Variants in NCLN observed in about 807,000 individuals in gnomAD.
NCLN encodes the protein nicalin.
NCLN carries 34 observed loss-of-function variants against 69.5 expected under a neutral mutation model. The observed-to-expected ratio is 0.49, with a 90% CI of 0.37 to 0.65. The LOEUF (loss-of-function observed/expected upper bound fraction) is 0.65, where lower values mean the gene tolerates loss of function less well. NCLN is among the 30% of genes least tolerant of loss of function. The pLI is 0.00. For synonymous variants in NCLN, 393 were observed against 358.3 expected (o/e 1.10, Z -1.09); for missense variants, 710 against 804.8 (o/e 0.88, Z 1.42).
intron 5 of NCLN, 34 bp from the exon 6 acceptor site, chr19:3,201,489 G>A (rs376406579): frequency 1.3e-6 from 2 of 1,492,850 alleles, no homozygotes; most frequent in African/African-American, 2.8e-5. Flanking sequence ...GCCGGGCGGG[G>A]GTGACTGTGG....
rs1218831273 is a variant in NCLN at position 3,204,678 on chromosome 19, C to T, written c.1135C>T (p.Arg379Ter). 1.9e-6 allele frequency: 3 copies of T among 1,608,332 alleles called. No homozygotes were observed. The highest frequency in any genetic ancestry group is 1.3e-5 in the African/African-American group (1 of 74,764). ...GGAGCACGAGCGCTTCGCCATCCGCCGACTGCCCGCCTTCACGCTGTCCCA... is the reference window on the plus strand; with the variant it reads ...GGAGCACGAGCGCTTCGCCATCCGCTGACTGCCCGCCTTCACGCTGTCCCA... ...AWEHERFAIR[R>*]LPAFTLSHLE... The change falls in exon 9 of 15, where the codon CGA (arginine) becomes TGA (stop). Residue 379 changes from arginine to a stop codon, truncating the protein, a stop_gained. Coordinates refer to ENST00000246117, the MANE Select transcript of NCLN (RefSeq NM_020170.4). LOFTEE classifies it high-confidence loss of function.
Position 3,196,217 on chromosome 19 carries a change from G to T in NCLN, c.555G>T (p.Gln185His). The T allele has an allele frequency of 1.9e-6, 3 of 1,556,376 alleles. No homozygotes were observed. Among genetic ancestry groups the T allele is most frequent in the Non-Finnish European group, 2.6e-6 (3 of 1,149,656 alleles). ...GCACGGCCACTGCCAACGGCTTCCA[G>T]ATGGTCACCAGCGGGGTACAGAGCA... Reference protein sequence around the residue: ...LLRTATANGFQMVTSGVQSKA... With the variant: ...LLRTATANGFHMVTSGVQSKA... Residue 185 changes from glutamine to histidine, a missense_variant, in exon 4 of 15, where the codon CAG becomes CAT. Physicochemically the swap from Gln to His is conservative, Grantham distance 24. Coordinates refer to ENST00000246117, the MANE Select transcript of NCLN (RefSeq NM_020170.4).
Position 3,206,359 on chromosome 19 carries a change from C to T in NCLN, c.1433C>T (p.Thr478Met), listed in dbSNP as rs1269485173. ...GACAAGGACAGCACCTTCCTCAGCA[C>T]GCTGGAGCACCACCTGAGCCGCTAC... Reference protein sequence around the residue: ...LVDKDSTFLSTLEHHLSRYLK... With the variant: ...LVDKDSTFLSMLEHHLSRYLK... The change falls in exon 12 of 15, where the codon ACG becomes ATG. Residue 478 changes from threonine (T) to methionine (M), a missense_variant. Coordinates refer to ENST00000246117, the MANE Select transcript of NCLN (RefSeq NM_020170.4). 9.7e-6 allele frequency: 15 copies of T among 1,548,174 alleles called. No individual in the cohort carries two copies. The highest frequency in any genetic ancestry group is 2.4e-5 in the East Asian group (1 of 40,930).
intron 9 of NCLN, among the ~76,000 whole-genome samples, chr19:3,204,954 C>T (rs1235942397): frequency 6.6e-6 from 1 of 152,188 alleles, no homozygotes; most frequent in Non-Finnish European, 1.5e-5. Context: ...GAGGGCGAGG[C>T]CAGCAGCCTG....
intron 4 of NCLN, among the ~76,000 whole-genome samples, chr19:3,197,246 G>T (rs1020764663): frequency 2.6e-5 from 4 of 152,212 alleles, no homozygotes; most frequent in African/African-American, 9.6e-5. Context: ...GGGCCATGTC[G>T]ATTCCCTTTC....
rs780358342 is a variant in NCLN, at chr19:3,185,990, C to G, written c.-41C>G. 7 of 1,447,934 alleles carry G rather than the reference C, an allele frequency of 4.8e-6. No individual in the cohort carries two copies. The highest frequency in any genetic ancestry group is 6.4e-6 in the Non-Finnish European group (7 of 1,097,640). The allele number at this position is 1,447,934 out of a possible 1,614,324, so 89.7% of individuals were successfully genotyped here. A position where few individuals can be genotyped will look rare whatever the true frequency, so the allele number is the denominator to read the frequency against. On this transcript the variant is annotated 5_prime_UTR_variant, in exon 1 of 15. Coordinates refer to ENST00000246117, the MANE Select transcript of NCLN (RefSeq NM_020170.4). The stretch of plus-strand genomic sequence containing the variant: ...GCGGGAGCCGCCGCCGCCGCCGTCC[C>G]GTCCCAGCTGCCGCCCCGCGCGGCC...
At position 3,205,610 on chromosome 19, in the gene NCLN, G is replaced by A. The variant is rs772528096; in HGVS notation, c.1209-329G>A. Among the ~76,000 whole-genome samples, 2 of 152,176 alleles carry A rather than the reference G, an allele frequency of 1.3e-5. No homozygotes were observed. The highest frequency in any genetic ancestry group is 2.9e-5 in the Non-Finnish European group (2 of 68,030). ...GAGGGCCACCTGGGATTTGCAGAGG[G>A]TCCCAGAATGGATTCTTCCACCAGG... On this transcript the variant is annotated intron_variant, in intron 9 of 14. Coordinates refer to ENST00000246117, the MANE Select transcript of NCLN (RefSeq NM_020170.4). This position sits in a 1 kb window ranked among gnomAD's most constrained non-coding sequence, Gnocchi z 4.6.
intron 1 of NCLN, among the ~76,000 whole-genome samples, chr19:3,192,200 A>C (rs190596761): frequency 7.2e-5 from 11 of 152,152 alleles, no homozygotes; most frequent in African/African-American, 2.7e-4. Context: ...AAACAAAACC[A>C]AAAAACAAAG....
chr19:3,190,415 G>GCCTGTCCCC (rs1915788672), intron 1 of NCLN, among the ~76,000 whole-genome samples: 1 of 151,962 alleles, frequency 6.6e-6, no homozygotes, highest in Non-Finnish European at 1.5e-5. Context: ...CCTGTGTCCC[G>GCCTGTCCCC]CCTGTCCCCC....
intron 5 of NCLN, among the ~76,000 whole-genome samples, chr19:3,199,553 C>T (rs1317736276): frequency 6.6e-5 from 10 of 152,182 alleles, no homozygotes; most frequent in Non-Finnish European, 1.2e-4. Flanking sequence ...CCTGTCCTGT[C>T]AGCGAGGGTC....
At chr19:3,188,383 C>T (rs973357807) in intron 1 of NCLN, among the ~76,000 whole-genome samples, 1 of 152,224 alleles carries the variant, frequency 6.6e-6, no homozygotes, top group Non-Finnish European at 1.5e-5. Flanking sequence ...ATCGAGTGAG[C>T]AGATGTCTCC....
chr19:3,206,226 G>A lies in NCLN; in HGVS notation c.1335+36G>A, dbSNP rs775602610. The A allele has an allele frequency of 2.8e-5, 43 of 1,517,882 alleles. No individual in the cohort carries two copies. In the South Asian group the frequency reaches 3.2e-4, roughly 11 times the overall value. 94.0% of individuals were successfully genotyped at this position (1,517,882 alleles called of 1,614,324 possible). A position where few individuals can be genotyped will look rare whatever the true frequency, so the allele number is the denominator to read the frequency against. The stretch of plus-strand genomic sequence containing the variant: ...CAGGCCAGTGGGTGGGTGGGTGGGC[G>A]GGGCCAGGCCATGACTACCACCACC... On this transcript the variant is annotated intron_variant, in intron 11 of 14. Coordinates refer to ENST00000246117, the MANE Select transcript of NCLN (RefSeq NM_020170.4).
chr19:3,196,963 A>G (rs1456334862), intron 4 of NCLN, among the ~76,000 whole-genome samples: 4 of 152,088 alleles, frequency 2.6e-5, no homozygotes, highest in African/African-American at 9.7e-5. Context: ...TGTTTTGGGG[A>G]CCCAGGCCTT....
chr19:3,187,191 C>T (rs565826454), intron 1 of NCLN, among the ~76,000 whole-genome samples: 20 of 152,318 alleles, frequency 1.3e-4, no homozygotes, highest in African/African-American at 4.3e-4. Flanking sequence ...TGCAAGTCTC[C>T]CACTCAACAG....
chr19:3,198,387 G>T (rs1285291552), intron 4 of NCLN, among the ~76,000 whole-genome samples: 20 of 151,740 alleles, frequency 1.3e-4, no homozygotes, highest in Admixed American at 1.3e-3. Flanking sequence ...GGTGCCTGTA[G>T]TCCCAACTAC....
intron 1 of NCLN, among the ~76,000 whole-genome samples, chr19:3,191,739 T>C (rs1409945936): frequency 1.3e-5 from 2 of 152,214 alleles, no homozygotes; most frequent in African/African-American, 4.8e-5. Context: ...TCACCCTGCC[T>C]GCAGTTTTAC....
At chr19:3,197,320 G>A (rs552320678) in intron 4 of NCLN, among the ~76,000 whole-genome samples, 160 of 152,316 alleles carry the variant, frequency 1.1e-3, no homozygotes, top group Non-Finnish European at 1.8e-3. Flanking sequence ...GAGTTCAGCC[G>A]TTGAAGGATC....
At chr19:3,201,069 G>A (rs1324547143) in intron 5 of NCLN, among the ~76,000 whole-genome samples, 3 of 152,178 alleles carry the variant, frequency 2.0e-5, no homozygotes, top group Non-Finnish European at 2.9e-5. Context: ...GCATGTGGTC[G>A]GGCTGTGCAG....
At chr19:3,204,227 G>A (rs1916201419) in intron 8 of NCLN, 83 bp downstream of exon 8, 3 of 1,414,086 alleles carry the variant, frequency 2.1e-6, no homozygotes, top group East Asian at 5.2e-5. Flanking sequence ...GTCCCAGGGT[G>A]TCCTTGCTGT....
Sources: gnomAD v4.1 joint callset for allele counts (sites outside exome capture counted in the v4.1 genomes callset) on GRCh38, gnomAD v4.1.1 for gene constraint, Gnocchi (gnomAD v3.1) non-coding constraint, MANE v1.5 for transcripts, NCBI Gene and HGNC (gene_info 2026-07-23, HGNC 2026-07-21) for gene names.